Variants in FHIT observed in about 807,000 individuals in gnomAD.
FHIT encodes fragile histidine triad diadenosine triphosphatase.
In FHIT, 19 loss-of-function variants were observed where a neutral mutation model predicts 17.9. The ratio of observed to expected loss-of-function variants is 1.06; its 90% CI spans 0.74 to 1.56. The LOEUF is 1.56. FHIT is among the 40% of genes most tolerant of loss of function. The pLI is 0.00. For missense variants in FHIT, 248 were observed against 189.2 expected (o/e 1.31, Z -1.82); for synonymous variants, 81 against 69.7 (o/e 1.16, Z -0.81).
intron 7 of FHIT, among the ~76,000 whole-genome samples, chr3:59,978,165 C>A (rs942718294): frequency 6.6e-6 from 1 of 152,060 alleles, no homozygotes; most frequent in Non-Finnish European, 1.5e-5. Context: ...AGGCCTAAAA[C>A]AGGCAAAGTA....
At chr3:60,276,207 C>T (rs1253298254) in intron 5 of FHIT, among the ~76,000 whole-genome samples, 7 of 152,024 alleles carry the variant, frequency 4.6e-5, no homozygotes, top group African/African-American at 1.4e-4. Flanking sequence ...AGGATGGCCT[C>T]GATCTCCTGA....
chr3:59,769,115 A>G (rs974782237), intron 8 of FHIT, among the ~76,000 whole-genome samples: 2 of 152,266 alleles, frequency 1.3e-5, no homozygotes, highest in Non-Finnish European at 2.9e-5. Flanking sequence ...AGAGGTTGGC[A>G]TCCTACCCTG....
At chr3:60,605,109 C>CAG (rs200088355) in intron 4 of FHIT, among the ~76,000 whole-genome samples, 2,342 of 152,046 alleles carry the variant, frequency 0.015, 55 homozygotes, top group African/African-American at 0.054. Flanking sequence ...AACACACACA[C>CAG]ACAGAGAGAG....
chr3:60,981,683 A>T (rs1347899387), intron 3 of FHIT, among the ~76,000 whole-genome samples: 1 of 151,942 alleles, frequency 6.6e-6, no homozygotes, highest in African/African-American at 2.4e-5. Context: ...ATCATAGCAC[A>T]CTGTAGCTTC....
chr3:61,154,624 T>A (rs2037484042), intron 2 of FHIT, among the ~76,000 whole-genome samples: 1 of 152,188 alleles, frequency 6.6e-6, no homozygotes, highest in Admixed American at 6.5e-5. Flanking sequence ...GCAGCGCGTG[T>A]CCTTGGGGAC....
chr3:60,579,570 AATAT>A (rs1363316273), intron 4 of FHIT, among the ~76,000 whole-genome samples: 4 of 152,182 alleles, frequency 2.6e-5, no homozygotes, highest in Admixed American at 6.6e-5. Context: ...ACACTATGTG[AATAT>A]ATAAACACAT....
intron 4 of FHIT, chr3:60,732,423 C>A (rs2042048983): frequency 1.5e-5 from 11 of 746,568 alleles, no homozygotes. Flanking sequence ...GCCACCAGTG[C>A]CATATGGCAT....
intron 1 of FHIT, among the ~76,000 whole-genome samples, chr3:61,225,684 C>A (rs1292231825): frequency 6.6e-6 from 1 of 152,158 alleles, no homozygotes; most frequent in African/African-American, 2.4e-5. Flanking sequence ...GATAAAGCAA[C>A]GTGGAAGTTA....
chr3:60,192,770 G>A (rs995181989), intron 5 of FHIT, among the ~76,000 whole-genome samples: 2 of 152,120 alleles, frequency 1.3e-5, no homozygotes, highest in Admixed American at 6.5e-5. Flanking sequence ...ACCACCATCC[G>A]TGAAAGCAGA....
At chr3:60,632,119 A>G (rs1374156451) in intron 4 of FHIT, among the ~76,000 whole-genome samples, 1 of 151,996 alleles carries the variant, frequency 6.6e-6, no homozygotes, top group Non-Finnish European at 1.5e-5. Flanking sequence ...TTTAATTGCA[A>G]CTACTAAGTT....
chr3:60,338,056 G>A (rs1181720380), intron 5 of FHIT, among the ~76,000 whole-genome samples: 1 of 151,982 alleles, frequency 6.6e-6, no homozygotes, highest in East Asian at 1.9e-4. Context: ...CATTTATGTA[G>A]AGACCTTGAG....
chr3:60,322,063 C>T (rs1709457262), intron 5 of FHIT, among the ~76,000 whole-genome samples: 1 of 152,206 alleles, frequency 6.6e-6, no homozygotes. Flanking sequence ...TCTCATTTTA[C>T]AGCAGAATTT....
intron 2 of FHIT, among the ~76,000 whole-genome samples, chr3:61,049,906 T>A (rs897554880): frequency 1.3e-5 from 2 of 152,070 alleles, no homozygotes; most frequent in African/African-American, 4.8e-5. Flanking sequence ...GAAAGGAACA[T>A]CCTTACCTCT....
At chr3:60,829,491 T>C (rs1342136272) in intron 3 of FHIT, among the ~76,000 whole-genome samples, 1 of 152,230 alleles carries the variant, frequency 6.6e-6, no homozygotes, top group African/African-American at 2.4e-5. Flanking sequence ...GTTCTATTAT[T>C]TGTAGACTAC....
intron 8 of FHIT, among the ~76,000 whole-genome samples, chr3:59,765,081 C>T (rs1211876770): frequency 6.6e-6 from 1 of 152,152 alleles, no homozygotes; most frequent in Non-Finnish European, 1.5e-5. Context: ...GGAGAAACAG[C>T]CATGGCTGAG....
Position 59,909,674 on chromosome 3 carries a change from T to C in FHIT, c.348+12672A>G, listed in dbSNP as rs544228823. On this transcript the variant is annotated intron_variant, in intron 8 of 9. Coordinates refer to ENST00000492590, the MANE Select transcript of FHIT (RefSeq NM_002012.4). ...TCTTTGGGTGTTTCAGCTACTTAGC[T>C]AGCTCACACACACATGTATTTCCCA... Among the ~76,000 whole-genome samples, 6 of 152,298 alleles carry C rather than the reference T, an allele frequency of 3.9e-5. No homozygotes were observed. The South Asian group carries it at 1.0e-3, about 26-fold the overall frequency.
chr3:60,672,877 G>GTGTGTGTGTGTGTA (rs1559629963), intron 4 of FHIT, among the ~76,000 whole-genome samples: 2 of 148,048 alleles, frequency 1.4e-5, no homozygotes, highest in Non-Finnish European at 3.0e-5. Flanking sequence ...TTTGTAGCGT[G>GTGTGTGTGTGTGTA]TGTGTGTGTG....
At chr3:60,447,619 G>T (rs1028345312) in intron 5 of FHIT, among the ~76,000 whole-genome samples, 1 of 152,068 alleles carries the variant, frequency 6.6e-6, no homozygotes, top group African/African-American at 2.4e-5. Flanking sequence ...ATATTTGATG[G>T]TAGATGGACA....
intron 8 of FHIT, among the ~76,000 whole-genome samples, chr3:59,836,464 G>A (rs536737069): frequency 8.5e-5 from 13 of 152,254 alleles, no homozygotes; most frequent in African/African-American, 2.9e-4. Context: ...AACCTACTCA[G>A]GGTGTTTTCT....
Sources: gnomAD v4.1 joint callset for allele counts (sites outside exome capture counted in the v4.1 genomes callset) on GRCh38, gnomAD v4.1.1 for gene constraint, MANE v1.5 for transcripts, NCBI Gene and HGNC (gene_info 2026-07-23, HGNC 2026-07-21) for gene names.